SLC3A1: variants seen among roughly 807,000 people sequenced by gnomAD.
SLC3A1 encodes amino acid transporter heavy chain SLC3A1.
Under a neutral mutation model 60.3 loss-of-function variants are expected in SLC3A1, and 78 were observed. The observed-to-expected ratio is 1.29, with a 90% CI of 1.08 to 1.56. The LOEUF (loss-of-function observed/expected upper bound fraction) is 1.56. Ranked by LOEUF, SLC3A1 falls within the 40% of genes most tolerant of loss-of-function variation. SLC3A1 has a pLI of 0.00. For missense variants in SLC3A1, 1,172 were observed against 858.9 expected, an observed-to-expected ratio of 1.36 and a Z score of -4.56; for synonymous variants, 392 against 307.9, an observed-to-expected ratio of 1.27 and a Z score of -2.86.
Position 44,320,429 on chromosome 2 carries a change from T to A in SLC3A1, c.1848T>A (p.Ala616=). ...ATAATATGATTTCGGGCCTTCCCGC[T>A]AAAATGAGAATAAGGTTAAGTACCA... ...NLHNMISGLP[A]KMRIRLSTNS... Residue 616 remains alanine, a synonymous_variant, in exon 10 of 10, where the codon GCT becomes GCA. Coordinates refer to ENST00000260649, the MANE Select transcript of SLC3A1 (RefSeq NM_000341.4). 1 of 1,614,092 alleles carries A rather than the reference T, an allele frequency of 6.2e-7. No homozygotes were observed. Among genetic ancestry groups the A allele is most frequent in the Non-Finnish European group, 8.5e-7 (1 of 1,179,946 alleles).
At chr2:44,285,425 A>G (rs1671589990) in intron 3 of SLC3A1, 1 of 310,228 alleles carries the variant, frequency 3.2e-6, no homozygotes, top group South Asian at 3.0e-5. Context: ...GTGGCCAGAG[A>G]TGTGGGAGGG....
At chr2:44,297,244 C>T (rs543087822) in intron 4 of SLC3A1, among the ~76,000 whole-genome samples, 2 of 152,328 alleles carry the variant, frequency 1.3e-5, no homozygotes, top group East Asian at 3.9e-4. Context: ...AGCCACTGTT[C>T]CTTTGCAGAG....
chr2:44,278,117 C>A (rs1671391615), intron 1 of SLC3A1, among the ~76,000 whole-genome samples: 1 of 152,088 alleles, frequency 6.6e-6, no homozygotes, highest in Admixed American at 6.5e-5. Flanking sequence ...TGCAGCTACC[C>A]ATATGGGGGA....
intron 7 of SLC3A1, among the ~76,000 whole-genome samples, chr2:44,312,263 C>T (rs1021871620): frequency 6.6e-6 from 1 of 152,154 alleles, no homozygotes; most frequent in South Asian, 2.1e-4. Flanking sequence ...CCTTGTCTTG[C>T]TCTCTGCCAC....
chr2:44,321,780 G>C, downstream of SLC3A1: 2 of 1,613,632 alleles, frequency 1.2e-6, no homozygotes, highest in South Asian at 2.2e-5. Flanking sequence ...AAAACAACAT[G>C]TATCTAGTTC....
intron 2 of SLC3A1, among the ~76,000 whole-genome samples, chr2:44,281,159 CT>C (rs552579658): frequency 7.3e-4 from 82 of 112,552 alleles, no homozygotes; most frequent in East Asian, 5.3e-3. Context: ...CCTTTCCCTG[CT>C]TTTTTTTTTT....
chr2:44,286,137 G>C lies in SLC3A1; in HGVS notation c.871G>C (p.Asp291His). ...EQPDLNFRNPDVQEEIKEILR... is the reference protein window; with the variant it reads ...EQPDLNFRNPHVQEEIKEILR... ...ACCTGATTTAAATTTCCGCAATCCT[G>C]ATGTTCAAGAAGAAATAAAAGTGAG... Residue 291 changes from aspartate (D) to histidine (H), a missense_variant, in exon 4 of 10, where the codon GAT (aspartate) becomes CAT (histidine). By Grantham distance (81) the Asp-to-His change is moderately conservative. Transcript: ENST00000260649. 1 of 1,613,968 alleles carries C rather than the reference G, an allele frequency of 6.2e-7. No homozygotes were observed. Among genetic ancestry groups the C allele is most frequent in the Non-Finnish European group, 8.5e-7 (1 of 1,179,914 alleles).
chr2:44,289,310 A>G (rs1444235567), intron 4 of SLC3A1, among the ~76,000 whole-genome samples: 1 of 151,262 alleles, frequency 6.6e-6, no homozygotes, highest in African/African-American at 2.4e-5. Flanking sequence ...TCCTGGGTTC[A>G]AGTGACTCTC....
chr2:44,309,002 G>T (rs375984980), intron 7 of SLC3A1, among the ~76,000 whole-genome samples: 27 of 152,284 alleles, frequency 1.8e-4, no homozygotes, highest in African/African-American at 6.5e-4. Context: ...AAAGTGCTGG[G>T]ATTACAGGCG....
At chr2:44,289,753 C>A (rs6744505) in intron 4 of SLC3A1, among the ~76,000 whole-genome samples, 3,983 of 152,150 alleles carry the variant, frequency 0.026, 172 homozygotes, top group African/African-American at 0.089. Context: ...GCTGCAGCCT[C>A]CTGAGTAGCT....
intron 9 of SLC3A1, chr2:44,317,644 C>G (rs1332760229): frequency 6.6e-6 from 1 of 151,668 alleles, no homozygotes; most frequent in African/African-American, 2.4e-5. Flanking sequence ...AAAATTAGGA[C>G]ATAAAAATAA....
intron 4 of SLC3A1, among the ~76,000 whole-genome samples, chr2:44,291,874 TTC>T (rs1269987243): frequency 6.6e-6 from 1 of 152,164 alleles, no homozygotes; most frequent in East Asian, 1.9e-4. Context: ...TCTGCTGTCC[TTC>T]TCTTTCTCCT....
chr2:44,279,972 C>G (rs1040072534), intron 1 of SLC3A1, among the ~76,000 whole-genome samples: 13 of 152,174 alleles, frequency 8.5e-5, no homozygotes, highest in Non-Finnish European at 1.9e-4. Context: ...ACCAGCCACC[C>G]TGCAAGTGCT....
intron 6 of SLC3A1, 153 bp from the exon 7 acceptor site, chr2:44,303,990 G>C (rs1416221371): frequency 2.8e-6 from 2 of 717,790 alleles, no homozygotes; most frequent in East Asian, 5.3e-5. Flanking sequence ...TTTGGTGACA[G>C]CTTGATTATG....
At chr2:44,321,976 CTCT>C (rs1673007326), downstream of SLC3A1, 1 of 1,421,702 alleles carries the variant, frequency 7.0e-7, no homozygotes, top group Non-Finnish European at 9.5e-7. Context: ...CATTCCTCCC[CTCT>C]TCTTTGAGTA....
chr2:44,321,270 TA>T lies in SLC3A1; in HGVS notation c.*632del. ...AATTAATAACTTAAAAGTCTCAAGT[TA>T]TTAATTTTTTTTTTGCTAACTCAAT... is the stretch of plus-strand genomic sequence containing the variant. On this transcript the variant is annotated 3_prime_UTR_variant, in exon 10 of 10. Transcript: ENST00000260649. 2 of 1,156,644 alleles carry T rather than the reference TA, an allele frequency of 1.7e-6. No individual in the cohort carries two copies. Among genetic ancestry groups the T allele is most frequent in the Non-Finnish European group, 2.5e-6 (2 of 809,428 alleles). 71.6% of individuals were successfully genotyped at this position (1,156,644 alleles called of 1,614,324 possible).
At chr2:44,278,406 C>G (rs1399967361) in intron 1 of SLC3A1, among the ~76,000 whole-genome samples, 1 of 151,920 alleles carries the variant, frequency 6.6e-6, no homozygotes, top group Non-Finnish European at 1.5e-5. Flanking sequence ...TAAGATCGCA[C>G]CACTGCACTC....
At position 44,301,062 on chromosome 2, in the gene SLC3A1, G is replaced by C. The variant is rs762011300; in HGVS notation, c.1071G>C (p.Met357Ile). The C allele has an allele frequency of 1.2e-6, 2 of 1,614,194 alleles. No homozygotes were observed. Among genetic ancestry groups the C allele is most frequent in the East Asian group, 4.5e-5 (2 of 44,880 alleles). Residue 357 changes from methionine (M) to isoleucine (I), a missense_variant, in exon 6 of 10, where the codon ATG (methionine) becomes ATC (isoleucine). Met to Ile is a conservative substitution (Grantham distance 10). Transcript: ENST00000260649. ...YHDFTTTQVG[M>I]HDIVRSFRQT... Reference sequence around the variant, plus strand: ...ACTTCACCACCACGCAGGTGGGAATGCACGACATTGTCCGCAGCTTCCGGC... The same window carrying C: ...ACTTCACCACCACGCAGGTGGGAATCCACGACATTGTCCGCAGCTTCCGGC...
chr2:44,301,115 C>A lies in SLC3A1; in HGVS notation c.1124C>A (p.Pro375His). The A allele has an allele frequency of 6.2e-7, 1 of 1,610,634 alleles. No homozygotes were observed. The highest frequency in any genetic ancestry group is 1.7e-5 in the Admixed American group (1 of 59,852). Residue 375 changes from proline (P) to histidine (H), a missense_variant, in exon 6 of 10, where the codon CCC (proline) becomes CAC (histidine). Transcript: ENST00000260649. ...RQTMDQYSTE[P>H]GRYRFMGTEA... ...ACCATGGACCAATACAGCACGGAGC[C>A]CGGCAGATACAGGTTGACCACGGCA...
Sources: gnomAD v4.1 joint callset for allele counts (sites outside exome capture counted in the v4.1 genomes callset) on GRCh38, gnomAD v4.1.1 for gene constraint, MANE v1.5 for transcripts, NCBI Gene and HGNC (gene_info 2026-07-23, HGNC 2026-07-21) for gene names.